DIAPH2: variants seen among roughly 807,000 people sequenced by gnomAD.
DIAPH2 encodes protein diaphanous homolog 2.
A neutral mutation model predicts 92.7 loss-of-function variants in DIAPH2; 35 were observed. That is an observed-to-expected ratio of 0.38 (90% CI 0.29 to 0.50). The LOEUF is 0.50. DIAPH2 is among the 20% of genes least tolerant of loss of function. The pLI is 0.94. For synonymous variants in DIAPH2, 301 were observed against 280.4 expected (o/e 1.07, Z -0.73); for missense variants, 701 against 819.5 (o/e 0.86, Z 1.77).
intron 19 of DIAPH2, among the ~76,000 whole-genome samples, chrX:97,094,682 G>A (rs2066852460): frequency 8.9e-6 from 1 of 112,017 alleles, no homozygotes; most frequent in Non-Finnish European, 1.9e-5. Flanking sequence ...ATGTATTTTG[G>A]ATCAAATGGA....
At chrX:96,846,608 G>A (rs1451733747) in intron 4 of DIAPH2, among the ~76,000 whole-genome samples, 1 of 111,941 alleles carries the variant, frequency 8.9e-6, no homozygotes, top group African/African-American at 3.2e-5. Flanking sequence ...AACAAAGCAA[G>A]CAATGATAAA....
intron 15 of DIAPH2, chrX:96,953,679 A>G (rs1016679804): frequency 1.8e-5 from 2 of 112,456 alleles, no homozygotes; most frequent in African/African-American, 3.2e-5. Flanking sequence ...TGCCCTATCA[A>G]TGGTCACATA....
chrX:97,325,143 T>C (rs1389186989), intron 23 of DIAPH2, among the ~76,000 whole-genome samples: 1 of 112,092 alleles, frequency 8.9e-6, no homozygotes, highest in East Asian at 2.8e-4. Context: ...TCTTAGAGTG[T>C]AGAAACATTG....
At chrX:97,332,603 G>C (rs1264776850) in intron 23 of DIAPH2, among the ~76,000 whole-genome samples, 1 of 110,912 alleles carries the variant, frequency 9.0e-6, no homozygotes, top group Non-Finnish European at 1.9e-5. Flanking sequence ...AATAAGTGTA[G>C]GAAAAATACT....
chrX:97,127,665 T>C (rs2067102277), intron 21 of DIAPH2, among the ~76,000 whole-genome samples: 2 of 112,610 alleles, frequency 1.8e-5, no homozygotes, highest in South Asian at 7.2e-4. Context: ...TAACCTATAA[T>C]TTCTTGTAGT....
Position 97,285,278 on chromosome X carries a change from G to GGGATTA in DIAPH2, c.2844+37439_2844+37440insGGATTA, listed in dbSNP as rs1160542617. Among the ~76,000 whole-genome samples, 619 of 106,317 alleles carry GGGATTA rather than the reference G, an allele frequency of 5.8e-3. 6 individuals are homozygous for GGGATTA. Among genetic ancestry groups the GGGATTA allele is most frequent in the African/African-American group, 0.02 (589 of 29,126 alleles). 92.3% of individuals were successfully genotyped at this position (106,317 alleles called of 115,157 possible). On this transcript the variant is annotated intron_variant, in intron 23 of 26. Coordinates refer to ENST00000324765, the MANE Select transcript of DIAPH2 (RefSeq NM_006729.5). ...TATGGGGCCGGGCGCGGTGGCTCATGCCTGTAATCCCAGCACTTTGGGAGG... is the reference window on the plus strand; with the variant it reads ...TATGGGGCCGGGCGCGGTGGCTCATGGGATTACCTGTAATCCCAGCACTTTGGGAGG...
chrX:96,831,817 G>A (rs1408242677), intron 4 of DIAPH2, among the ~76,000 whole-genome samples: 1 of 111,493 alleles, frequency 9.0e-6, no homozygotes, highest in Non-Finnish European at 1.9e-5. Flanking sequence ...TATCTATTAT[G>A]TGTCAGTGAG....
At position 96,958,434 on chromosome X, in the gene DIAPH2, T is replaced by A. The variant is rs1361605649; in HGVS notation, c.1935+286T>A. Among the ~76,000 whole-genome samples, 2 of 112,099 alleles carry A rather than the reference T, an allele frequency of 1.8e-5. 1 individual carries two copies. The highest frequency in any genetic ancestry group is 1.9e-4 in the Admixed American group (2 of 10,584). On this transcript the variant is annotated intron_variant, in intron 16 of 26. Coordinates refer to ENST00000324765, the MANE Select transcript of DIAPH2 (RefSeq NM_006729.5). ...TTTGATTCTTTTAACATAGCTTTTC[T>A]TTAAAAATTTTTTATTGATATGTAA...
At chrX:97,373,012 G>C (rs756457997) in intron 24 of DIAPH2, among the ~76,000 whole-genome samples, 36 of 110,837 alleles carry the variant, frequency 3.2e-4, no homozygotes, top group Admixed American at 1.2e-3. Flanking sequence ...GTGTAACACT[G>C]TTTGTGGATC....
At chrX:97,229,901 A>G (rs1335318840) in intron 22 of DIAPH2, among the ~76,000 whole-genome samples, 12 of 106,324 alleles carry the variant, frequency 1.1e-4, no homozygotes, top group Non-Finnish European at 5.8e-5. Context: ...ATTATATATG[A>G]TAACAATATA....
Position 97,348,135 on chromosome X carries a change from G to A in DIAPH2, c.2864G>A (p.Arg955Gln). 9.9e-6 allele frequency: 12 copies of A among 1,210,917 alleles called. No individual in the cohort carries two copies. The highest frequency in any genetic ancestry group is 1.8e-5 in the South Asian group (1 of 56,872). Residue 955 changes from arginine to glutamine, a missense_variant, in exon 24 of 27, where the codon CGA (arginine) becomes CAA (glutamine). Physicochemically the swap from Arg to Gln is conservative, Grantham distance 43. Around this residue, in one of 3 missense-constraint regions of DIAPH2, gnomAD observed 536 missense variants for 599.3 expected, o/e 0.89. Transcript: ENST00000324765. ...AGCTACAGCTTTACAAAGACTGCCC[G>A]AGAACAGTATGAAAAACTCTCCACC... ...EKMTSFTKTA[R>Q]EQYEKLSTMH...
chrX:97,544,840 G>T (rs1054596535), intron 26 of DIAPH2, among the ~76,000 whole-genome samples: 3 of 111,468 alleles, frequency 2.7e-5, no homozygotes, highest in Non-Finnish European at 3.8e-5. Flanking sequence ...GTTTAAGAAG[G>T]CTTAAGAAAA....
intron 26 of DIAPH2, among the ~76,000 whole-genome samples, chrX:97,597,395 C>T (rs2071559788): frequency 8.9e-6 from 1 of 112,224 alleles, no homozygotes; most frequent in Non-Finnish European, 1.9e-5. Context: ...TGAAGCCTTA[C>T]ATCCCATCAT....
At chrX:96,732,433 CGAA>C (rs1472669015) in intron 1 of DIAPH2, among the ~76,000 whole-genome samples, 1 of 111,247 alleles carries the variant, frequency 9.0e-6, no homozygotes, top group East Asian at 2.8e-4. Context: ...ACAGTTATAA[CGAA>C]GAGCTTTAAA....
intron 23 of DIAPH2, among the ~76,000 whole-genome samples, chrX:97,302,772 G>T (rs1399980375): frequency 9.0e-6 from 1 of 110,936 alleles, no homozygotes; most frequent in African/African-American, 3.3e-5. Flanking sequence ...ATCATCTGAG[G>T]TCAGGAGTTC....
At chrX:96,816,667 G>A (rs1355241846) in intron 4 of DIAPH2, among the ~76,000 whole-genome samples, 1 of 111,985 alleles carries the variant, frequency 8.9e-6, no homozygotes, top group Non-Finnish European at 1.9e-5. Context: ...CAGTTTGGAT[G>A]TTCCTCCAAA....
intron 4 of DIAPH2, among the ~76,000 whole-genome samples, chrX:96,795,126 A>AT (rs748406166): frequency 1.6e-3 from 175 of 111,140 alleles, no homozygotes; most frequent in South Asian, 8.8e-3. Flanking sequence ...GAATATGGAC[A>AT]TTTTTTTTGG....
intron 22 of DIAPH2, among the ~76,000 whole-genome samples, chrX:97,148,951 G>A (rs188218728): frequency 2.4e-4 from 27 of 111,242 alleles, no homozygotes; most frequent in Middle Eastern, 4.7e-3. Context: ...ACTTATGGAC[G>A]CCACCAAACC....
intron 26 of DIAPH2, among the ~76,000 whole-genome samples, chrX:97,594,013 T>C (rs1207472072): frequency 1.8e-5 from 2 of 111,663 alleles, no homozygotes; most frequent in Non-Finnish European, 3.8e-5. Context: ...ACAACTATTC[T>C]GGAATACATT....
Sources: gnomAD v4.1 joint callset for allele counts (sites outside exome capture counted in the v4.1 genomes callset) on GRCh38, gnomAD v4.1.1 for gene constraint, gnomAD v4.1.1 regional missense constraint, MANE v1.5 for transcripts, NCBI Gene and HGNC (gene_info 2026-07-23, HGNC 2026-07-21) for gene names.